Variants in STX8 observed in about 807,000 individuals in gnomAD.
STX8 encodes syntaxin-8.
STX8 carries 23 observed loss-of-function variants against 37.5 expected under a neutral mutation model. The ratio of observed to expected loss-of-function variants is 0.61; its 90% CI spans 0.44 to 0.87. STX8 has a LOEUF of 0.87. STX8 is among the 40% of genes least tolerant of loss of function. The pLI is 0.00. For synonymous variants in STX8, 115 were observed against 99.1 expected (o/e 1.16, Z -0.95); for missense variants, 313 against 284.7 (o/e 1.10, Z -0.71).
In STX8 at chr17:9,568,157, A is replaced by C. The variant is rs1907533660; in HGVS notation, c.117+214T>G. 2.6e-5 allele frequency among the ~76,000 whole-genome samples: 4 copies of C among 152,228 alleles called. No individual in the cohort carries two copies. In the South Asian group the frequency reaches 8.3e-4, roughly 31 times the overall value. On this transcript the variant is annotated intron_variant, in intron 2 of 7. Coordinates refer to ENST00000306357, the MANE Select transcript of STX8 (RefSeq NM_004853.3). ...GACTATAAAATTGTTAGAAATATTT[A>C]AAGTAAAACAGGAGAACTTAAATGT...
chr17:9,493,021 C>G (rs1195065143), intron 5 of STX8, among the ~76,000 whole-genome samples: 1 of 151,800 alleles, frequency 6.6e-6, no homozygotes, highest in Non-Finnish European at 1.5e-5. Flanking sequence ...TGGTGTGAAC[C>G]CAGGAAGCGG....
intron 6 of STX8, among the ~76,000 whole-genome samples, chr17:9,412,276 C>T (rs1402026986): frequency 4.0e-5 from 6 of 151,540 alleles, no homozygotes; most frequent in Non-Finnish European, 7.4e-5. Flanking sequence ...CTAATCACAG[C>T]AGCAATTTTT....
intron 6 of STX8, among the ~76,000 whole-genome samples, chr17:9,451,393 C>G (rs574297492): frequency 1.3e-5 from 2 of 152,154 alleles, no homozygotes; most frequent in African/African-American, 4.8e-5. Context: ...ATCATCTCCA[C>G]GTTTAATGTA....
At chr17:9,574,403 C>T (rs1907811844) in intron 1 of STX8, among the ~76,000 whole-genome samples, 1 of 151,208 alleles carries the variant, frequency 6.6e-6, no homozygotes, top group East Asian at 1.9e-4. Flanking sequence ...GTAAAAAAAT[C>T]ATTAATGGCT....
chr17:9,263,201 G>A (rs1309163372), intron 7 of STX8, among the ~76,000 whole-genome samples: 9 of 150,582 alleles, frequency 6.0e-5, no homozygotes, highest in Admixed American at 1.3e-4. Context: ...GGACGGGTGC[G>A]TGCGGTGGCT....
chr17:9,308,947 C>A (rs1288385730), intron 7 of STX8, among the ~76,000 whole-genome samples: 1 of 151,680 alleles, frequency 6.6e-6, no homozygotes, highest in African/African-American at 2.4e-5. Context: ...ATAAAAGGAA[C>A]CTAAAAAAAT....
chr17:9,458,686 G>A (rs902410716), intron 6 of STX8, among the ~76,000 whole-genome samples: 1 of 152,180 alleles, frequency 6.6e-6, no homozygotes, highest in Non-Finnish European at 1.5e-5. Flanking sequence ...ATGGATCAGA[G>A]AGGCTGCTTA....
intron 6 of STX8, among the ~76,000 whole-genome samples, chr17:9,420,702 ACAAC>A (rs1913392567): frequency 6.6e-6 from 1 of 152,038 alleles, no homozygotes. Context: ...ACAACCCACT[ACAAC>A]TGAGCTTGAG....
intron 6 of STX8, among the ~76,000 whole-genome samples, chr17:9,411,830 A>C (rs1912988770): frequency 6.6e-6 from 1 of 152,186 alleles, no homozygotes; most frequent in African/African-American, 2.4e-5. Flanking sequence ...CAGCCTTTTT[A>C]GAAGCAACCT....
At chr17:9,327,050 G>A (rs1193509467) in intron 7 of STX8, among the ~76,000 whole-genome samples, 2 of 151,852 alleles carry the variant, frequency 1.3e-5, no homozygotes, top group African/African-American at 2.4e-5. Flanking sequence ...CCAGCTATTC[G>A]GGAGGCTGAG....
At chr17:9,548,664 G>A (rs1401298033) in intron 3 of STX8, 1 of 152,086 alleles carries the variant, frequency 6.6e-6, no homozygotes, top group Non-Finnish European at 1.5e-5. Context: ...AGCTGTTTAG[G>A]GGGCTGATAA....
In STX8 at chr17:9,364,828, C is replaced by T. The variant is rs116857234; in HGVS notation, c.643+13724G>A. On this transcript the variant is annotated intron_variant, in intron 7 of 7. Coordinates refer to ENST00000306357, the MANE Select transcript of STX8 (RefSeq NM_004853.3). ...AGATTACAGGCATGAGCTACCGCGC[C>T]TGGCCGGTATTTGATATATTATTAT... is the stretch of plus-strand genomic sequence containing the variant. Among the ~76,000 whole-genome samples, 91 of 152,282 alleles carry T rather than the reference C, an allele frequency of 6.0e-4. 3 individuals are homozygous for T. The East Asian group carries it at 0.017, about 28-fold the overall frequency.
In STX8 at chr17:9,557,549, C is replaced by G. The variant is rs377167552; in HGVS notation, c.118-21G>C. 6.9e-6 allele frequency: 11 copies of G among 1,599,916 alleles called. No homozygotes were observed. The Admixed American group carries it at 1.2e-4, about 17-fold the overall frequency. ...GTAAGCTGAAAAGAAAAGAACACAT[C>G]CTAAGTATTCTAGTCCAGAATGTAG... On this transcript the variant is annotated intron_variant, in intron 2 of 7. Coordinates refer to ENST00000306357, the MANE Select transcript of STX8 (RefSeq NM_004853.3).
intron 6 of STX8, among the ~76,000 whole-genome samples, chr17:9,470,722 G>A (rs769611780): frequency 6.6e-6 from 1 of 151,990 alleles, no homozygotes; most frequent in Admixed American, 6.6e-5. Context: ...AGGCCTAACT[G>A]CTTTTTTCTT....
intron 7 of STX8, among the ~76,000 whole-genome samples, chr17:9,370,950 A>G (rs2142272627): frequency 6.6e-6 from 1 of 151,622 alleles, no homozygotes; most frequent in South Asian, 2.1e-4. Context: ...ATTGTTTTCT[A>G]CTTGATGCTA....
intron 6 of STX8, among the ~76,000 whole-genome samples, chr17:9,463,813 CAGG>C (rs1905496578): frequency 6.6e-6 from 1 of 151,696 alleles, no homozygotes; most frequent in South Asian, 2.1e-4. Context: ...GAGGCTGAGG[CAGG>C]AGAATTGCTT....
intron 2 of STX8, among the ~76,000 whole-genome samples, chr17:9,558,787 C>T (rs1907090721): frequency 6.6e-6 from 1 of 151,314 alleles, no homozygotes; most frequent in East Asian, 1.9e-4. Context: ...CGCGCCACTG[C>T]ACTCCAGCCT....
At chr17:9,371,102 A>G (rs1911388636) in intron 7 of STX8, among the ~76,000 whole-genome samples, 1 of 152,280 alleles carries the variant, frequency 6.6e-6, no homozygotes, top group East Asian at 1.9e-4. Flanking sequence ...AAACAAATTC[A>G]TCATCGGGCC....
Position 9,250,655 on chromosome 17 carries a change from A to C in STX8, c.644-10T>G. ...ATCACCATGATCATCCCTGGAAAAAAGCAGCAGAAAATACTACTTTTAATG... is the reference window on the plus strand; with the variant it reads ...ATCACCATGATCATCCCTGGAAAAACGCAGCAGAAAATACTACTTTTAATG... On this transcript the variant is annotated splice_polypyrimidine_tract_variant and intron_variant, in intron 7 of 7. Transcript: ENST00000306357. 1 of 1,587,156 alleles carries C rather than the reference A, an allele frequency of 6.3e-7. No individual in the cohort carries two copies. Among genetic ancestry groups the C allele is most frequent in the South Asian group, 1.1e-5 (1 of 87,008 alleles).
Sources: gnomAD v4.1 joint callset for allele counts (sites outside exome capture counted in the v4.1 genomes callset) on GRCh38, gnomAD v4.1.1 for gene constraint, MANE v1.5 for transcripts, NCBI Gene and HGNC (gene_info 2026-07-23, HGNC 2026-07-21) for gene names.